The following IL1RAPL1 variants were observed in gnomAD, a reference collection of about 807,000 sequenced individuals.
The protein encoded by IL1RAPL1 is interleukin-1 receptor accessory protein-like 1.
Under a neutral mutation model 48.4 loss-of-function variants are expected in IL1RAPL1, and 3 were observed. The observed-to-expected ratio is 0.06, with a 90% CI of 0.03 to 0.16. The LOEUF (loss-of-function observed/expected upper bound fraction) is 0.16, where lower values mean the gene tolerates loss of function less well. Among genes scored for constraint, IL1RAPL1 ranks in the 10% least tolerant of loss-of-function variants. The pLI, the probability that IL1RAPL1 is intolerant of heterozygous loss-of-function variation, is 1.00. For synonymous variants in IL1RAPL1, 185 were observed against 187.7 expected, an observed-to-expected ratio of 0.99 and a Z score of 0.12; for missense variants, 349 against 530.6, an observed-to-expected ratio of 0.66 and a Z score of 3.36.
intron 2 of IL1RAPL1, among the ~76,000 whole-genome samples, chrX:28,996,732 T>C (rs1024459305): frequency 1.8e-5 from 2 of 111,018 alleles, no homozygotes. Context: ...ATCACCATTA[T>C]CTAGTTCCAG....
chrX:29,873,617 T>C (rs902181899), intron 6 of IL1RAPL1, among the ~76,000 whole-genome samples: 9 of 111,621 alleles, frequency 8.1e-5, no homozygotes, highest in Non-Finnish European at 1.7e-4. Context: ...AATCTTGGAC[T>C]TCCTAGCCTC....
rs185932639 is a variant in IL1RAPL1, at chrX:28,836,517, A to G, written c.82+47092A>G. On this transcript the variant is annotated intron_variant, in intron 2 of 10. Coordinates refer to ENST00000378993, the MANE Select transcript of IL1RAPL1 (RefSeq NM_014271.4). ...CTTTGAAATTAAGGGGCCAAGGGAA[A>G]ACAAGACCATTTGTCTAAATTCATT... is the stretch of plus-strand genomic sequence containing the variant. 3.0e-4 allele frequency among the ~76,000 whole-genome samples: 33 copies of G among 109,055 alleles called. No homozygotes were observed. The East Asian group carries it at 8.9e-3, about 30-fold the overall frequency. The allele number at this position is 109,055 out of a possible 115,157, so 94.7% of individuals were successfully genotyped here.
At chrX:29,158,522 C>G (rs1929611057) in intron 2 of IL1RAPL1, among the ~76,000 whole-genome samples, 1 of 110,940 alleles carries the variant, frequency 9.0e-6, no homozygotes, top group Non-Finnish European at 1.9e-5. Flanking sequence ...ATTGCAGGCA[C>G]CTGCCACCAT....
At chrX:29,038,303 T>A (rs1020861765) in intron 2 of IL1RAPL1, among the ~76,000 whole-genome samples, 1 of 111,802 alleles carries the variant, frequency 8.9e-6, no homozygotes, top group Admixed American at 9.6e-5. Context: ...GTTTCTGTAA[T>A]TCACTGAGCC....
At chrX:28,950,802 G>A (rs1407544129) in intron 2 of IL1RAPL1, among the ~76,000 whole-genome samples, 1 of 107,270 alleles carries the variant, frequency 9.3e-6, no homozygotes, top group African/African-American at 3.4e-5. Context: ...AAATCATGCT[G>A]CTATAAAGAC....
intron 2 of IL1RAPL1, among the ~76,000 whole-genome samples, chrX:28,937,191 T>C (rs942447248): frequency 1.3e-4 from 15 of 111,776 alleles, no homozygotes; most frequent in Admixed American, 2.9e-4. Context: ...CATTTGGCCT[T>C]TTGTGTTACC....
At chrX:29,716,764 A>G (rs1432978418) in intron 6 of IL1RAPL1, among the ~76,000 whole-genome samples, 2 of 111,814 alleles carry the variant, frequency 1.8e-5, no homozygotes, top group Non-Finnish European at 3.8e-5. Context: ...CATTTGTTTT[A>G]TGTTGTTCTC....
chrX:29,435,110 G>T (rs758276397), intron 5 of IL1RAPL1, among the ~76,000 whole-genome samples: 2 of 111,070 alleles, frequency 1.8e-5, no homozygotes, highest in African/African-American at 6.5e-5. Flanking sequence ...AGGTTCATAC[G>T]TACTGTAGCA....
At position 29,476,872 on chromosome X, in the gene IL1RAPL1, C is replaced by CTTTTTTTTTT. The variant is rs1198120274; in HGVS notation, c.703+77574_703+77583dup. 3.7e-4 allele frequency among the ~76,000 whole-genome samples: 20 copies of CTTTTTTTTTT among 53,901 alleles called. 5 individuals are homozygous for CTTTTTTTTTT. The highest frequency in any genetic ancestry group is 2.5e-3 in the African/African-American group (18 of 7,327). The allele number at this position is 53,901 out of a possible 115,157, so 46.8% of individuals were successfully genotyped here. On this transcript the variant is annotated intron_variant, in intron 5 of 10. Coordinates refer to ENST00000378993, the MANE Select transcript of IL1RAPL1 (RefSeq NM_014271.4). ...GACTCATTTACTTTTTACCCATATTCTTTTTTTTTTTTTTTTTTTGAGACG... is the reference window on the plus strand; with the variant it reads ...GACTCATTTACTTTTTACCCATATTCTTTTTTTTTTTTTTTTTTTTTTTTTTTTTGAGACG...
chrX:29,117,223 T>A (rs974379241), intron 2 of IL1RAPL1, among the ~76,000 whole-genome samples: 1 of 111,770 alleles, frequency 8.9e-6, no homozygotes, highest in Non-Finnish European at 1.9e-5. Flanking sequence ...AATAATTCAG[T>A]GACAAGGGAT....
At position 29,086,094 on chromosome X, in the gene IL1RAPL1, A is replaced by G. The variant is rs560321605; in HGVS notation, c.83-196844A>G. 7.1e-5 allele frequency among the ~76,000 whole-genome samples: 8 copies of G among 112,142 alleles called. No individual in the cohort carries two copies. The South Asian group carries it at 3.0e-3, about 42-fold the overall frequency. ...AGTAGCTAAAAGTCACTTTCCCTCA[A>G]TAATAAATATTGCTTATAGCTTAGT... On this transcript the variant is annotated intron_variant, in intron 2 of 10. Coordinates refer to ENST00000378993, the MANE Select transcript of IL1RAPL1 (RefSeq NM_014271.4).
intron 5 of IL1RAPL1, among the ~76,000 whole-genome samples, chrX:29,588,871 A>G (rs948378745): frequency 1.8e-5 from 2 of 112,104 alleles, no homozygotes; most frequent in African/African-American, 6.5e-5. Context: ...ATGTTAATCA[A>G]TAACATCAGG....
rs936668310 is a variant in IL1RAPL1 at position 29,858,122 on chromosome X, CT to C, written c.779-59341del. 5.4e-5 allele frequency among the ~76,000 whole-genome samples: 6 copies of C among 111,173 alleles called. No homozygotes were observed. In the Admixed American group the frequency reaches 5.7e-4, roughly 11 times the overall value. ...GTAGCAAATTGTGCCACCCTTCAAC[CT>C]CCTGGTGTTCCAAATTTTGCTTTGT... On this transcript the variant is annotated intron_variant, in intron 6 of 10. Coordinates refer to ENST00000378993, the MANE Select transcript of IL1RAPL1 (RefSeq NM_014271.4).
intron 3 of IL1RAPL1, among the ~76,000 whole-genome samples, chrX:29,300,136 G>A (rs185475843): frequency 1.9e-3 from 208 of 111,898 alleles, no homozygotes; most frequent in Non-Finnish European, 3.1e-3. Flanking sequence ...AATAAGCATC[G>A]CTTCTTTACA....
chrX:28,768,755 C>CTCTCTCTCTCTCTCTCTATA (rs1364972830), intron 1 of IL1RAPL1, among the ~76,000 whole-genome samples: 1 of 34,888 alleles, frequency 2.9e-5, no homozygotes, highest in Non-Finnish European at 4.8e-5. Context: ...CTCTCTCTCT[C>CTCTCTCTCTCTCTCTCTATA]TATATATATA....
chrX:29,913,393 T>TACACACACACACACACACACACAC (rs775944840), intron 6 of IL1RAPL1, among the ~76,000 whole-genome samples: 82 of 105,946 alleles, frequency 7.7e-4, no homozygotes, highest in African/African-American at 2.5e-3. Flanking sequence ...GACACAGTGA[T>TACACACACACACACACACACACAC]ACACACACAC....
intron 3 of IL1RAPL1, among the ~76,000 whole-genome samples, chrX:29,312,416 A>G (rs1025084884): frequency 9.1e-6 from 1 of 110,338 alleles, no homozygotes; most frequent in South Asian, 3.9e-4. Context: ...CAAGAGCAAA[A>G]CTCCATCTAA....
chrX:28,887,455 G>A (rs190500415), intron 2 of IL1RAPL1, among the ~76,000 whole-genome samples: 4 of 112,083 alleles, frequency 3.6e-5, no homozygotes, highest in South Asian at 3.7e-4. Flanking sequence ...AAGCACATGC[G>A]TGCTCACCAT....
chrX:29,175,083 A>T (rs1445042260), intron 2 of IL1RAPL1, among the ~76,000 whole-genome samples: 2 of 109,180 alleles, frequency 1.8e-5, no homozygotes, highest in African/African-American at 6.6e-5. Flanking sequence ...CAAAAAAAAA[A>T]AAAAAAAAAA....
Sources: gnomAD v4.1 joint callset for allele counts (sites outside exome capture counted in the v4.1 genomes callset) on GRCh38, gnomAD v4.1.1 for gene constraint, MANE v1.5 for transcripts, NCBI Gene and HGNC (gene_info 2026-07-23, HGNC 2026-07-21) for gene names.